PUS7: variants seen among roughly 807,000 people sequenced by gnomAD.
The protein encoded by PUS7 is pseudouridine synthase 7.
Under a neutral mutation model 79.8 loss-of-function variants are expected in PUS7, and 48 were observed. The observed-to-expected ratio is 0.60, with a 90% CI of 0.48 to 0.76. PUS7 has a LOEUF of 0.76. PUS7 is among the 30% of genes least tolerant of loss of function. The pLI is 0.00. For synonymous variants in PUS7, 286 were observed against 272.2 expected, an observed-to-expected ratio of 1.05 and a Z score of -0.50; for missense variants, 729 against 797.6, an observed-to-expected ratio of 0.91 and a Z score of 1.04.
intron 1 of PUS7, among the ~76,000 whole-genome samples, chr7:105,519,698 T>C (rs1826030162): frequency 6.6e-6 from 1 of 152,228 alleles, no homozygotes; most frequent in South Asian, 2.1e-4. Flanking sequence ...TAGCTTACAA[T>C]GTATTTGAGA....
At chr7:105,509,933 T>C (rs1209139268) in intron 1 of PUS7, among the ~76,000 whole-genome samples, 1 of 152,194 alleles carries the variant, frequency 6.6e-6, no homozygotes, top group South Asian at 2.1e-4. Context: ...GGAAATTTGC[T>C]GTTCTCACTC....
intron 14 of PUS7, among the ~76,000 whole-genome samples, chr7:105,460,726 C>T (rs956380703): frequency 7.3e-5 from 11 of 150,680 alleles, no homozygotes; most frequent in African/African-American, 1.5e-4. Context: ...TGGTAGCGGG[C>T]GCCTGTAGTC....
At chr7:105,521,449 CTT>C (rs1301000354) in intron 1 of PUS7, among the ~76,000 whole-genome samples, 1 of 152,226 alleles carries the variant, frequency 6.6e-6, no homozygotes, top group Non-Finnish European at 1.5e-5. Context: ...ATTCACCCAG[CTT>C]GAGGGCTGGA....
At chr7:105,498,120 T>G (rs1020037288) in intron 5 of PUS7, among the ~76,000 whole-genome samples, 1 of 152,188 alleles carries the variant, frequency 6.6e-6, no homozygotes, top group African/African-American at 2.4e-5. Context: ...ATTTAGCAAA[T>G]CCAAGCACTG....
rs566888771 is a variant in PUS7, at chr7:105,484,684, T to C, written c.921-2244A>G. Among the ~76,000 whole-genome samples the C allele has an allele frequency of 2.6e-5, 4 of 151,128 alleles. No individual in the cohort carries two copies. The South Asian group carries it at 6.3e-4, about 24-fold the overall frequency. ...AAATACAAAAATTAGCCGGGTGTGG[T>C]GGCACACGCCTGTAATCCCAGCTAC... is the stretch of plus-strand genomic sequence containing the variant. On this transcript the variant is annotated intron_variant, in intron 7 of 15. Transcript: ENST00000469408.
At chr7:105,514,682 T>C (rs1825825855) in intron 1 of PUS7, among the ~76,000 whole-genome samples, 1 of 152,204 alleles carries the variant, frequency 6.6e-6, no homozygotes, top group African/African-American at 2.4e-5. Context: ...TTTTAAGCCT[T>C]GAGAGAGATG....
chr7:105,497,282 TAAGGA>T (rs1280260488), intron 5 of PUS7, among the ~76,000 whole-genome samples: 2 of 152,188 alleles, frequency 1.3e-5, no homozygotes, highest in Non-Finnish European at 2.9e-5. Context: ...GCAAAAGGTT[TAAGGA>T]TAGTAAATGC....
Position 105,458,055 on chromosome 7 carries a change from T to C in PUS7, c.1850-129A>G, listed in dbSNP as rs1271490680. ...CTTAGACTCCACTTCCTAGGGGGCC[T>C]TGGAGAATGAGACCATGGAAGTAAG... On this transcript the variant is annotated intron_variant, in intron 15 of 15. Coordinates refer to ENST00000469408, the MANE Select transcript of PUS7 (RefSeq NM_019042.5). The C allele has an allele frequency of 5.2e-5, 53 of 1,024,192 alleles. 3 individuals carry two copies. The South Asian group carries it at 1.0e-3, about 20-fold the overall frequency. 63.4% of individuals were successfully genotyped at this position (1,024,192 alleles called of 1,614,324 possible).
intron 8 of PUS7, among the ~76,000 whole-genome samples, chr7:105,481,891 C>A (rs562699311): frequency 1.3e-5 from 2 of 152,032 alleles, no homozygotes; most frequent in African/African-American, 4.8e-5. Flanking sequence ...CCACCACGCC[C>A]GGCTAATTTT....
At chr7:105,515,026 C>A (rs978481344) in intron 1 of PUS7, among the ~76,000 whole-genome samples, 7 of 152,168 alleles carry the variant, frequency 4.6e-5, no homozygotes, top group African/African-American at 1.7e-4. Context: ...GATCTCCTGA[C>A]CTCGTGATCT....
At chr7:105,467,304 T>C (rs1823692210) in intron 12 of PUS7, among the ~76,000 whole-genome samples, 2 of 151,328 alleles carry the variant, frequency 1.3e-5, no homozygotes, top group Non-Finnish European at 2.9e-5. Flanking sequence ...CTTTTTTTTT[T>C]TTTTTGAGAC....
chr7:105,481,891 C>T (rs562699311), intron 8 of PUS7, among the ~76,000 whole-genome samples: 124 of 152,150 alleles, frequency 8.1e-4, no homozygotes, highest in South Asian at 1.9e-3. Flanking sequence ...CCACCACGCC[C>T]GGCTAATTTT....
intron 9 of PUS7, among the ~76,000 whole-genome samples, chr7:105,472,670 T>C (rs891980386): frequency 6.6e-6 from 1 of 152,188 alleles, no homozygotes; most frequent in Admixed American, 6.5e-5. Flanking sequence ...ACCCGTAACA[T>C]TTACTATCAT....
chr7:105,489,377 G>A (rs2133167266), intron 7 of PUS7, among the ~76,000 whole-genome samples: 1 of 152,000 alleles, frequency 6.6e-6, no homozygotes, highest in Non-Finnish European at 1.5e-5. Flanking sequence ...CCATTCTTCT[G>A]AGTTTCTGGG....
At chr7:105,503,521 C>A (rs928526389) in intron 4 of PUS7, among the ~76,000 whole-genome samples, 12 of 152,104 alleles carry the variant, frequency 7.9e-5, no homozygotes, top group African/African-American at 2.9e-4. Flanking sequence ...CCTCTTTACT[C>A]AATACAACCA....
intron 2 of PUS7, among the ~76,000 whole-genome samples, chr7:105,506,613 G>T (rs1027005487): frequency 2.6e-5 from 4 of 151,818 alleles, no homozygotes; most frequent in African/African-American, 9.7e-5. Context: ...AGTAGAGACG[G>T]GGTTGCACCA....
rs373968911 is a variant in PUS7, at chr7:105,495,153, G to C, written c.831C>G (p.Ser277=). ...KDTMDAINVL[S]KYLRVKPNIF... ...CAACAGTAACTCACCTTAAGTATTT[G>C]GAGAGTACATTAATAGCATCCATGG... Residue 277 remains serine (S), a synonymous_variant, in exon 6 of 16, where the codon TCC becomes TCG. Transcript: ENST00000469408. 6.3e-7 allele frequency: 1 copy of C among 1,588,352 alleles called. No homozygotes were observed. Among genetic ancestry groups the C allele is most frequent in the Non-Finnish European group, 8.6e-7 (1 of 1,159,372 alleles).
intron 4 of PUS7, among the ~76,000 whole-genome samples, chr7:105,504,315 C>T (rs1225528092): frequency 2.0e-5 from 3 of 152,058 alleles, no homozygotes; most frequent in Non-Finnish European, 4.4e-5. Context: ...AGGTGATCCA[C>T]CCACCTCGGC....
intron 7 of PUS7, among the ~76,000 whole-genome samples, chr7:105,487,584 T>C (rs1284542547): frequency 6.6e-6 from 1 of 152,242 alleles, no homozygotes; most frequent in Non-Finnish European, 1.5e-5. Context: ...AATGTCTTCA[T>C]GATACTATTC....
Sources: allele counts gnomAD v4.1 joint callset (sites outside exome capture counted in the v4.1 genomes callset), GRCh38; gene constraint gnomAD v4.1.1; transcripts MANE v1.5; gene names NCBI Gene and HGNC (gene_info 2026-07-23, HGNC 2026-07-21).